Variants in PID1 observed in about 807,000 individuals in gnomAD.
PID1 encodes the protein PTB-containing, cubilin and LRP1-interacting protein.
A neutral mutation model predicts 19.1 loss-of-function variants in PID1; 10 were observed. The ratio of observed to expected loss-of-function variants is 0.52; its 90% CI spans 0.32 to 0.89. The LOEUF is 0.89. PID1 is among the 40% of genes least tolerant of loss of function. The pLI is 0.03. For synonymous variants in PID1, 130 were observed against 116.0 expected (o/e 1.12, Z -0.78); for missense variants, 248 against 285.3 (o/e 0.87, Z 0.94).
chr2:229,130,851 C>T (rs1689723381), intron 2 of PID1, among the ~76,000 whole-genome samples: 1 of 152,194 alleles, frequency 6.6e-6, no homozygotes, highest in African/African-American at 2.4e-5. Flanking sequence ...AATCCAAGCT[C>T]AAGGTGTTGG....
At chr2:229,185,058 T>C (rs992410124) in intron 1 of PID1, among the ~76,000 whole-genome samples, 59 of 142,144 alleles carry the variant, frequency 4.2e-4, no homozygotes, top group Admixed American at 3.3e-3. Flanking sequence ...TACATATATA[T>C]ATCCTCCATA....
At chr2:229,133,661 A>G (rs1689790871) in intron 2 of PID1, among the ~76,000 whole-genome samples, 1 of 152,216 alleles carries the variant, frequency 6.6e-6, no homozygotes, top group Non-Finnish European at 1.5e-5. Context: ...AACTCAACTG[A>G]TTTGACCTCT....
intron 1 of PID1, among the ~76,000 whole-genome samples, chr2:229,236,941 T>G (rs1689711034): frequency 1.3e-5 from 2 of 151,200 alleles, no homozygotes; most frequent in Admixed American, 1.3e-4. Flanking sequence ...ATCAGGGTAG[T>G]GTGTCCCGCA....
At chr2:229,077,583 A>G (rs1694584856) in intron 2 of PID1, among the ~76,000 whole-genome samples, 2 of 152,208 alleles carry the variant, frequency 1.3e-5, no homozygotes, top group Admixed American at 1.3e-4. Context: ...GAAGGGGTCC[A>G]GTTTCAGTTT....
intron 2 of PID1, among the ~76,000 whole-genome samples, chr2:229,100,087 G>C (rs1176463752): frequency 1.3e-5 from 2 of 152,100 alleles, no homozygotes; most frequent in Non-Finnish European, 2.9e-5. Flanking sequence ...CAAGAAGCTA[G>C]CCATCTACCA....
chr2:229,032,545 A>T (rs1050347713), intron 2 of PID1, among the ~76,000 whole-genome samples: 3 of 152,240 alleles, frequency 2.0e-5, no homozygotes, highest in Non-Finnish European at 4.4e-5. Flanking sequence ...AAATGTGTCC[A>T]AAATGATACA....
intron 2 of PID1, among the ~76,000 whole-genome samples, chr2:229,138,978 T>TGAA (rs1291871266): frequency 1.5e-5 from 1 of 65,718 alleles, no homozygotes; most frequent in Non-Finnish European, 3.2e-5. Context: ...TAGAAAAAAA[T>TGAA]AGAAGAAAGA....
At chr2:229,201,425 G>A (rs537252013) in intron 1 of PID1, among the ~76,000 whole-genome samples, 48 of 152,064 alleles carry the variant, frequency 3.2e-4, no homozygotes, top group Non-Finnish European at 5.7e-4. Flanking sequence ...TGCCCTCAAG[G>A]TTCATCCATG....
chr2:229,042,315 C>A (rs917113398), intron 2 of PID1, among the ~76,000 whole-genome samples: 10 of 151,992 alleles, frequency 6.6e-5, no homozygotes, highest in African/African-American at 2.4e-4. Flanking sequence ...AAAATTATTT[C>A]ATAATAAAAA....
intron 2 of PID1, among the ~76,000 whole-genome samples, chr2:229,054,566 T>C (rs980213616): frequency 2.0e-5 from 3 of 151,880 alleles, no homozygotes; most frequent in Non-Finnish European, 4.4e-5. Flanking sequence ...CAGGGAAAAA[T>C]GTTACGTTGT....
chr2:229,036,704 T>C (rs2191840), intron 2 of PID1, among the ~76,000 whole-genome samples: 86,365 of 151,950 alleles, frequency 0.57, 24,581 homozygotes, highest in Non-Finnish European at 0.59. Flanking sequence ...GCTGAAATCA[T>C]GCCACTGCAC....
At position 229,139,107 on chromosome 2, in the gene PID1, GAAAGAA is replaced by G. The variant is rs1559251766; in HGVS notation, c.177+16705_177+16710del. ...AGAAAGAAAGAAAGAAAGAAAGAAAGAAAGAAAGAGAAAGAAAGAAAGAAAGAAAGA... is the reference window on the plus strand; with the variant it reads ...AGAAAGAAAGAAAGAAAGAAAGAAAGAGAGAAAGAAAGAAAGAAAGAAAGA... On this transcript the variant is annotated intron_variant, in intron 2 of 2. Coordinates refer to ENST00000392055, the MANE Select transcript of PID1 (RefSeq NM_001100818.2). Among the ~76,000 whole-genome samples, 27 of 74,114 alleles carry G rather than the reference GAAAGAA, an allele frequency of 3.6e-4. 3 individuals are homozygous for G. Among genetic ancestry groups the G allele is most frequent in the African/African-American group, 1.7e-3 (24 of 14,482 alleles). The allele number at this position is 74,114 out of a possible 152,430, so 48.6% of individuals were successfully genotyped here.
intron 2 of PID1, among the ~76,000 whole-genome samples, chr2:229,110,299 GA>G (rs1197566207): frequency 6.6e-6 from 1 of 152,190 alleles, no homozygotes; most frequent in Non-Finnish European, 1.5e-5. Flanking sequence ...CCACCACTGG[GA>G]AGACAAGCTA....
At chr2:229,141,661 A>T (rs1690014569) in intron 2 of PID1, among the ~76,000 whole-genome samples, 2 of 152,004 alleles carry the variant, frequency 1.3e-5, no homozygotes, top group South Asian at 4.1e-4. Flanking sequence ...AACTAATTTC[A>T]GTGGGATTTT....
intron 1 of PID1, chr2:229,263,033 CT>C: frequency 1.3e-6 from 1 of 753,044 alleles, no homozygotes; most frequent in Non-Finnish European, 1.9e-6. Flanking sequence ...TTCAACACAT[CT>C]TTTAGGGGAA....
intron 1 of PID1, among the ~76,000 whole-genome samples, chr2:229,213,721 A>T (rs982139196): frequency 3.3e-5 from 5 of 152,226 alleles, no homozygotes; most frequent in African/African-American, 4.8e-5. Flanking sequence ...AGTCTTCAGC[A>T]CAATAGATAT....
intron 1 of PID1, among the ~76,000 whole-genome samples, chr2:229,195,100 C>G (rs1691347324): frequency 6.6e-6 from 1 of 151,808 alleles, no homozygotes; most frequent in Non-Finnish European, 1.5e-5. Context: ...AATTTATCTG[C>G]ATCGTTTAAA....
intron 2 of PID1, among the ~76,000 whole-genome samples, chr2:229,120,406 A>G (rs1490203287): frequency 6.6e-6 from 1 of 152,078 alleles, no homozygotes; most frequent in East Asian, 1.9e-4. Flanking sequence ...TACATTTACC[A>G]TTCATTAAGT....
At chr2:229,094,756 T>C (rs1486449950) in intron 2 of PID1, among the ~76,000 whole-genome samples, 1 of 152,094 alleles carries the variant, frequency 6.6e-6, no homozygotes, top group Non-Finnish European at 1.5e-5. Context: ...ACTAGATCCC[T>C]ATCTCTCACC....
Sources: allele counts gnomAD v4.1 joint callset (sites outside exome capture counted in the v4.1 genomes callset), GRCh38; gene constraint gnomAD v4.1.1; transcripts MANE v1.5; gene names NCBI Gene and HGNC (gene_info 2026-07-23, HGNC 2026-07-21).